WDR20: variants seen among roughly 807,000 people sequenced by gnomAD.
The protein encoded by WDR20 is WD repeat domain 20.
WDR20 carries 3 observed loss-of-function variants against 38.7 expected under a neutral mutation model. That is an observed-to-expected ratio of 0.08 (90% CI 0.04 to 0.20). WDR20 has a LOEUF of 0.20. Among genes scored for constraint, WDR20 ranks in the 10% least tolerant of loss-of-function variants. The pLI, the probability that WDR20 is intolerant of heterozygous loss-of-function variation, is 1.00. For missense variants in WDR20, 559 were observed against 727.7 expected, an observed-to-expected ratio of 0.77 and a Z score of 2.67; for synonymous variants, 298 against 285.6, an observed-to-expected ratio of 1.04 and a Z score of -0.44.
At chr14:102,215,627 C>T (rs765969679), downstream of WDR20, among the ~76,000 whole-genome samples, 2 of 152,156 alleles carry the variant, frequency 1.3e-5, no homozygotes, top group Non-Finnish European at 2.9e-5. Flanking sequence ...CCCTTGCCCC[C>T]AGGTAGGCTG....
At chr14:102,160,425 G>T (rs955718527) in intron 1 of WDR20, among the ~76,000 whole-genome samples, 2 of 151,932 alleles carry the variant, frequency 1.3e-5, no homozygotes, top group Non-Finnish European at 2.9e-5. Context: ...GTTGTTACAC[G>T]AATAAGACAA....
intron 1 of WDR20, among the ~76,000 whole-genome samples, chr14:102,145,685 C>A (rs2053344274): frequency 1.3e-5 from 2 of 152,090 alleles, no homozygotes; most frequent in Admixed American, 1.3e-4. Context: ...GTAGAAGGGT[C>A]ACTTGAACTG....
At chr14:102,195,328 A>G (rs987633017) in intron 2 of WDR20, among the ~76,000 whole-genome samples, 1 of 152,104 alleles carries the variant, frequency 6.6e-6, no homozygotes, top group African/African-American at 2.4e-5. Context: ...GTGCATTTTT[A>G]TGGAGCATGC....
rs1383381782 is a variant in WDR20, at chr14:102,200,465, TTTTGTGTGTGTGTG to T, written c.432+5347_432+5360del. Reference sequence around the variant, plus strand: ...AGGAGTTTACTTTTTAAATTTTTTTTTTTGTGTGTGTGTGTGTGTGTGTGTGTGTGTGTGTGTGT... The same window carrying T: ...AGGAGTTTACTTTTTAAATTTTTTTTTGTGTGTGTGTGTGTGTGTGTGTGT... On this transcript the variant is annotated intron_variant, in intron 2 of 2. Coordinates refer to ENST00000342702, the MANE Select transcript of WDR20 (RefSeq NM_144574.4). Among the ~76,000 whole-genome samples, 24 of 98,686 alleles carry T rather than the reference TTTTGTGTGTGTGTG, an allele frequency of 2.4e-4. No homozygotes were observed. The Middle Eastern group carries it at 0.013, about 55-fold the overall frequency. 64.7% of individuals were successfully genotyped at this position (98,686 alleles called of 152,430 possible).
At chr14:102,214,875 T>G (rs78069694), downstream of WDR20, 3 of 616,576 alleles carry the variant, frequency 4.9e-6, no homozygotes, top group Non-Finnish European at 6.0e-6. Flanking sequence ...CACTGCTTTG[T>G]TTTTTTTTTT....
intron 1 of WDR20, among the ~76,000 whole-genome samples, chr14:102,161,129 TATATATATA>T (rs1380852038): frequency 1.3e-4 from 1 of 7,956 alleles, no homozygotes; most frequent in Non-Finnish European, 3.1e-4. Context: ...TGCATATATA[TATATATATA>T]TATATTTTTT....
chr14:102,156,176 T>C (rs1179147455), intron 1 of WDR20, among the ~76,000 whole-genome samples: 1 of 151,546 alleles, frequency 6.6e-6, no homozygotes, highest in Non-Finnish European at 1.5e-5. Context: ...TAGATCTTTT[T>C]TTTTTTTTTG....
intron 2 of WDR20, among the ~76,000 whole-genome samples, chr14:102,201,769 C>T (rs920196871): frequency 1.3e-5 from 2 of 152,184 alleles, no homozygotes; most frequent in Non-Finnish European, 2.9e-5. Flanking sequence ...TTTTTATGAA[C>T]GTGTTTGTTA....
downstream of WDR20, among the ~76,000 whole-genome samples, chr14:102,216,353 C>T (rs767968968): frequency 5.3e-5 from 8 of 152,118 alleles, no homozygotes; most frequent in Non-Finnish European, 1.0e-4. Flanking sequence ...CGCTCTGTTG[C>T]CCGAACATGG....
upstream of WDR20, chr14:102,139,674 G>A (rs1186966831): frequency 6.1e-6 from 4 of 656,886 alleles, no homozygotes; most frequent in African/African-American, 1.8e-5. Flanking sequence ...CATGCCGCCC[G>A]GAGGCCACAC....
downstream of WDR20, chr14:102,212,815 A>G (rs1036651856): frequency 7.4e-7 from 1 of 1,347,442 alleles, no homozygotes; most frequent in Non-Finnish European, 9.6e-7. Flanking sequence ...TTCCTCATTG[A>G]AATTTTTCAG....
In WDR20 at chr14:102,207,407, C is replaced by G. The variant is rs1341342964; in HGVS notation, c.433-1196C>G. On this transcript the variant is annotated intron_variant, in intron 2 of 2. Coordinates refer to ENST00000342702, the MANE Select transcript of WDR20 (RefSeq NM_144574.4). The surrounding 1 kb of genome is among the most constrained non-coding windows in gnomAD (Gnocchi z 5.0). ...AGCACACATGGCGGGCACATGGCCT[C>G]AAAGCCACCCTGGCAGAAGTCGGCA... 2.0e-5 allele frequency among the ~76,000 whole-genome samples: 3 copies of G among 152,268 alleles called. No individual in the cohort carries two copies. The highest frequency in any genetic ancestry group is 7.2e-5 in the African/African-American group (3 of 41,472).
chr14:102,158,871 T>C (rs1249660023), intron 1 of WDR20, among the ~76,000 whole-genome samples: 1 of 152,136 alleles, frequency 6.6e-6, no homozygotes, highest in East Asian at 1.9e-4. Flanking sequence ...CTCTGTTTCC[T>C]ACAAACGTGT....
chr14:102,223,120 G>T, exon 4 of WDR20: 1 of 404,322 alleles, frequency 2.5e-6, no homozygotes, highest in Non-Finnish European at 4.4e-6. Flanking sequence ...ATAAGAAATG[G>T]AGTTTTCTTG....
At chr14:102,193,602 A>T in intron 1 of WDR20, 1 of 1,305,802 alleles carries the variant, frequency 7.7e-7, no homozygotes, top group Non-Finnish European at 1.1e-6. Flanking sequence ...TCAGGTCCAG[A>T]CTTCTACATG....
downstream of WDR20, chr14:102,213,815 A>G: frequency 5.1e-6 from 5 of 985,336 alleles, no homozygotes; most frequent in South Asian, 2.3e-4. Flanking sequence ...GAGCGAGCTC[A>G]AAGTGTGAGG....
At chr14:102,203,570 C>T (rs534276524) in intron 2 of WDR20, among the ~76,000 whole-genome samples, 2 of 152,266 alleles carry the variant, frequency 1.3e-5, no homozygotes, top group African/African-American at 4.8e-5. Context: ...TCATGTGCTG[C>T]GATCAAGACA....
intron 1 of WDR20, among the ~76,000 whole-genome samples, chr14:102,182,764 C>T (rs1002238064): frequency 1.3e-5 from 2 of 151,912 alleles, no homozygotes; most frequent in African/African-American, 2.4e-5. Context: ...ATATTACCCC[C>T]TCTTTTAATG....
At chr14:102,190,493 C>T (rs1163682246) in intron 1 of WDR20, among the ~76,000 whole-genome samples, 2 of 150,950 alleles carry the variant, frequency 1.3e-5, no homozygotes, top group African/African-American at 2.4e-5. Context: ...CTCAGGAGGC[C>T]ACGGCAAGAG....
Sources: allele counts gnomAD v4.1 joint callset (sites outside exome capture counted in the v4.1 genomes callset), GRCh38; gene constraint gnomAD v4.1.1; non-coding constraint Gnocchi (gnomAD v3.1); transcripts MANE v1.5; gene names NCBI Gene and HGNC (gene_info 2026-07-23, HGNC 2026-07-21).